The following GPM6A variants were observed in gnomAD, a reference collection of about 807,000 sequenced individuals.
GPM6A encodes neuronal membrane glycoprotein M6-a.
A neutral mutation model predicts 32.1 loss-of-function variants in GPM6A; 7 were observed. The observed-to-expected ratio is 0.22, with a 90% confidence interval of 0.12 to 0.41. The LOEUF (loss-of-function observed/expected upper bound fraction) is 0.41, where lower values mean the gene tolerates loss of function less well. Among genes scored for constraint, GPM6A ranks in the 10% least tolerant of loss-of-function variants. The pLI is 1.00. For missense variants in GPM6A, 235 were observed against 347.2 expected, an observed-to-expected ratio of 0.68 and a Z score of 2.57; for synonymous variants, 130 against 123.4, an observed-to-expected ratio of 1.05 and a Z score of -0.35.
chr4:175,967,509 T>A (rs1435638747), intron 1 of GPM6A, among the ~76,000 whole-genome samples: 2 of 152,166 alleles, frequency 1.3e-5, no homozygotes, highest in African/African-American at 4.8e-5. Flanking sequence ...GATGGCATAA[T>A]TGTCTACATG....
In GPM6A at chr4:175,640,161, G is replaced by T; in HGVS notation, c.652C>A (p.Leu218Ile). ...ATGACTGCTGCCCCAGCTCCAGCAA[G>T]TGCCACAATAAACAAGTGGAAGGTC... The part of the protein sequence containing the change: ...NMTFHLFIVA[L>I]AGAGAAVIAM... Residue 218 changes from leucine (L) to isoleucine (I), a missense_variant, in exon 6 of 7, where the codon CTT becomes ATT. Coordinates refer to ENST00000393658, the MANE Select transcript of GPM6A (RefSeq NM_201591.3). 2.5e-6 allele frequency: 4 copies of T among 1,613,756 alleles called. No homozygotes were observed. The highest frequency in any genetic ancestry group is 3.4e-6 in the Non-Finnish European group (4 of 1,179,724).
At chr4:175,704,830 A>T (rs1745085792) in intron 1 of GPM6A, among the ~76,000 whole-genome samples, 1 of 152,208 alleles carries the variant, frequency 6.6e-6, no homozygotes. Context: ...AAGAGTTCAA[A>T]CACTGAATGC....
chr4:175,685,182 C>T (rs1193697706), intron 2 of GPM6A, among the ~76,000 whole-genome samples: 1 of 152,182 alleles, frequency 6.6e-6, no homozygotes, highest in African/African-American at 2.4e-5. Context: ...AGCCACCGCG[C>T]CTGGCCTATG....
intron 1 of GPM6A, among the ~76,000 whole-genome samples, chr4:175,777,561 G>A (rs1260101551): frequency 6.6e-6 from 1 of 151,862 alleles, no homozygotes; most frequent in Non-Finnish European, 1.5e-5. Flanking sequence ...CTCTACAAGA[G>A]TCCACAAATG....
At chr4:175,889,639 C>T (rs1158334244) in intron 1 of GPM6A, among the ~76,000 whole-genome samples, 1 of 152,102 alleles carries the variant, frequency 6.6e-6, no homozygotes, top group Non-Finnish European at 1.5e-5. Context: ...CGGTGAAACC[C>T]CGTCTCTACT....
chr4:175,944,606 T>G (rs1326736922), intron 1 of GPM6A, among the ~76,000 whole-genome samples: 1 of 152,214 alleles, frequency 6.6e-6, no homozygotes, highest in Non-Finnish European at 1.5e-5. Flanking sequence ...TTAACAGTAT[T>G]ATCAGGGGAA....
At chr4:175,712,916 A>T (rs1982916) in intron 1 of GPM6A, among the ~76,000 whole-genome samples, 127,021 of 152,152 alleles carry the variant, frequency 0.83, 55,240 homozygotes, top group East Asian at 0.99. Context: ...AAACATCGTA[A>T]GAAAACATCC....
intron 1 of GPM6A, among the ~76,000 whole-genome samples, chr4:175,936,341 A>G (rs936994433): frequency 2.8e-5 from 4 of 143,228 alleles, no homozygotes; most frequent in African/African-American, 5.1e-5. Context: ...AAAAAACTAT[A>G]CATTCCTGTT....
chr4:175,978,965 CAA>C lies in GPM6A; in HGVS notation c.-23+23342_-23+23343del, dbSNP rs761305638. On this transcript the variant is annotated intron_variant, in intron 1 of 7. Coordinates refer to the GPM6A transcript ENST00000280187. ...AAAGCCTAAAACTGTCCATTTAAAG[CAA>C]AAAAAAAAAAAATCCAAATTGAATT... Among the ~76,000 whole-genome samples, 109 of 125,308 alleles carry C rather than the reference CAA, an allele frequency of 8.7e-4. 1 individual carries two copies. Among genetic ancestry groups the C allele is most frequent in the African/African-American group, 2.5e-3 (85 of 33,360 alleles). 82.2% of individuals were successfully genotyped at this position (125,308 alleles called of 152,430 possible).
Position 175,734,228 on chromosome 4 carries a change from T to C in GPM6A, c.38-32461A>G, listed in dbSNP as rs367698186. Among the ~76,000 whole-genome samples, 6 of 151,978 alleles carry C rather than the reference T, an allele frequency of 3.9e-5. No individual in the cohort carries two copies. The East Asian group carries it at 9.7e-4, about 25-fold the overall frequency. ...CTTGCAACTCTTCAATTTGTACTTT[T>C]ATTAAAGGTTCAGAACCAGGTTCTG... On this transcript the variant is annotated intron_variant, in intron 1 of 6. Transcript: ENST00000393658.
chr4:175,994,816 C>T (rs1461730859), intron 1 of GPM6A, among the ~76,000 whole-genome samples: 1 of 152,154 alleles, frequency 6.6e-6, no homozygotes, highest in East Asian at 1.9e-4. Context: ...TGTTGGTTAG[C>T]ATTTTACTCA....
At chr4:175,643,086 C>T (rs1298338147) in intron 4 of GPM6A, among the ~76,000 whole-genome samples, 1 of 152,088 alleles carries the variant, frequency 6.6e-6, no homozygotes, top group Non-Finnish European at 1.5e-5. Flanking sequence ...GTTCAAAATA[C>T]ATCCATAATC....
chr4:175,732,411 G>C (rs1731472845), intron 1 of GPM6A, among the ~76,000 whole-genome samples: 1 of 152,050 alleles, frequency 6.6e-6, no homozygotes, highest in East Asian at 1.9e-4. Context: ...TTAAATTCCA[G>C]AGCTGTATAA....
rs1042480141 is a variant in GPM6A, at chr4:175,927,481, G to A, written c.-23+74828C>T. Among the ~76,000 whole-genome samples, 4 of 152,250 alleles carry A rather than the reference G, an allele frequency of 2.6e-5. No individual in the cohort carries two copies. In the South Asian group the frequency reaches 6.2e-4, roughly 24 times the overall value. On this transcript the variant is annotated intron_variant, in intron 1 of 7. Transcript: ENST00000280187. ...GTGGCCTTGCACAATGTTGTGCAGT[G>A]GCCGAGCTAGACCTACGTCTCCCAA... is the stretch of plus-strand genomic sequence containing the variant.
chr4:175,981,131 GGA>G (rs1198892513), intron 1 of GPM6A, among the ~76,000 whole-genome samples: 1 of 151,802 alleles, frequency 6.6e-6, no homozygotes, highest in Admixed American at 6.6e-5. Context: ...TAAAAACTGG[GGA>G]AATAGTTTTT....
chr4:175,990,782 G>A (rs2126459538), intron 1 of GPM6A, among the ~76,000 whole-genome samples: 1 of 152,028 alleles, frequency 6.6e-6, no homozygotes, highest in African/African-American at 2.4e-5. Flanking sequence ...CTTGAGTTGA[G>A]TATCCCTTTA....
intron 1 of GPM6A, among the ~76,000 whole-genome samples, chr4:175,967,150 A>G (rs1034102397): frequency 2.0e-5 from 3 of 152,220 alleles, no homozygotes; most frequent in African/African-American, 7.2e-5. Context: ...TAAATATTCA[A>G]AAATCAATTA....
chr4:175,920,206 T>C (rs1738621077), intron 1 of GPM6A, among the ~76,000 whole-genome samples: 1 of 152,238 alleles, frequency 6.6e-6, no homozygotes, highest in Non-Finnish European at 1.5e-5. Flanking sequence ...ACTACTGATA[T>C]TATTATTGCC....
At chr4:175,752,534 A>G (rs1732377054) in intron 1 of GPM6A, among the ~76,000 whole-genome samples, 1 of 152,110 alleles carries the variant, frequency 6.6e-6, no homozygotes, top group Non-Finnish European at 1.5e-5. Flanking sequence ...ATGCTCTAAA[A>G]AAGTCGGCTC....
Sources: gnomAD v4.1 joint callset for allele counts (sites outside exome capture counted in the v4.1 genomes callset) on GRCh38, gnomAD v4.1.1 for gene constraint, MANE v1.5 for transcripts, NCBI Gene and HGNC (gene_info 2026-07-23, HGNC 2026-07-21) for gene names.